TTC6: variants seen among roughly 807,000 people sequenced by gnomAD.
The protein encoded by TTC6 is tetratricopeptide repeat protein 6.
TTC6 carries 172 observed loss-of-function variants against 210.4 expected under a neutral mutation model. That is an observed-to-expected ratio of 0.82 (90% CI 0.72 to 0.93). The LOEUF is 0.93. Ranked by LOEUF, TTC6 falls within the 40% of genes least tolerant of loss-of-function variation. The pLI, the probability that TTC6 is intolerant of heterozygous loss-of-function variation, is 0.00. For synonymous variants in TTC6, 804 were observed against 819.6 expected (o/e 0.98, Z 0.32); for missense variants, 2,414 against 2,318.1 (o/e 1.04, Z -0.85).
intron 3 of TTC6, 66 bp from the exon 6 acceptor site, chr14:37,696,651 A>C (rs991466506): frequency 6.9e-6 from 5 of 726,770 alleles, no homozygotes; most frequent in Non-Finnish European, 1.0e-5. Flanking sequence ...CTCGCTAAAT[A>C]TGAGAGAAAG....
chr14:37,692,347 A>G (rs1449278459), intron 3 of TTC6, among the ~76,000 whole-genome samples: 2 of 151,902 alleles, frequency 1.3e-5, no homozygotes, highest in Non-Finnish European at 2.9e-5. Context: ...ATCATTCATG[A>G]CAAAGTGGGA....
intron 24 of TTC6, among the ~76,000 whole-genome samples, chr14:37,810,076 T>A (rs995549727): frequency 2.0e-5 from 3 of 152,254 alleles, no homozygotes; most frequent in African/African-American, 7.2e-5. Context: ...GAAGGGAAGT[T>A]GAGAAACATT....
intron 1 of TTC6, among the ~76,000 whole-genome samples, chr14:37,670,945 A>C (rs2095757089): frequency 1.3e-5 from 2 of 152,216 alleles, no homozygotes; most frequent in African/African-American, 4.8e-5. Flanking sequence ...GAAGAGCTAG[A>C]GTTTTAGAGC....
chr14:37,804,709 G>C (rs753613844), exon 21 of TTC6: 9 of 1,613,950 alleles, frequency 5.6e-6, no homozygotes, highest in Non-Finnish European at 7.6e-6. Flanking sequence ...AGAAGGCTTT[G>C]GATGCCATTT....
intron 18 of TTC6, among the ~76,000 whole-genome samples, chr14:37,795,689 C>A (rs1461482457): frequency 6.6e-6 from 1 of 152,098 alleles, no homozygotes; most frequent in Non-Finnish European, 1.5e-5. Context: ...ATTATGTCCA[C>A]AATCAAACAT....
intron 1 of TTC6, among the ~76,000 whole-genome samples, chr14:37,628,260 A>T (rs543643281): frequency 4.9e-4 from 75 of 152,284 alleles, no homozygotes; most frequent in African/African-American, 1.6e-3. Flanking sequence ...GGCATGAGCC[A>T]CTGTGCCTGG....
intron 14 of TTC6, among the ~76,000 whole-genome samples, chr14:37,777,797 T>G (rs1595246682): frequency 6.6e-6 from 1 of 151,440 alleles, no homozygotes; most frequent in East Asian, 2.0e-4. Context: ...TTTGATGCTT[T>G]TATCTTCTTT....
chr14:37,789,992 T>G (rs1317341610), intron 15 of TTC6, among the ~76,000 whole-genome samples: 1 of 152,112 alleles, frequency 6.6e-6, no homozygotes, highest in Non-Finnish European at 1.5e-5. Context: ...TAACATGTTT[T>G]GAAAGTGAAG....
intron 1 of TTC6, among the ~76,000 whole-genome samples, chr14:37,605,605 T>C (rs1213307903): frequency 6.6e-6 from 1 of 152,212 alleles, no homozygotes; most frequent in Non-Finnish European, 1.5e-5. Flanking sequence ...ATTGGTTCTC[T>C]AAGCTCAATG....
intron 2 of TTC6, among the ~76,000 whole-genome samples, chr14:37,611,662 G>C (rs1456603713): frequency 1.3e-5 from 2 of 152,128 alleles, no homozygotes; most frequent in African/African-American, 4.8e-5. Flanking sequence ...GAGAAAAAGA[G>C]GCTAGGAAGG....
At chr14:37,795,317 C>T (rs1262047558) in exon 18 of TTC6, 8 of 1,531,554 alleles carry the variant, frequency 5.2e-6, no homozygotes, top group Middle Eastern at 1.7e-4. Context: ...GTGCTATCCA[C>T]CTTCAGCCAG....
chr14:37,796,678 T>C (rs1566960871), intron 19 of TTC6, 109 bp from the exon 22 acceptor site: 4 of 994,538 alleles, frequency 4.0e-6, no homozygotes, highest in Non-Finnish European at 5.7e-6. Flanking sequence ...TTTATTGATT[T>C]GTTAATTCAT....
Position 37,807,886 on chromosome 14 carries a change from C to T in TTC6, c.4455+426C>T, listed in dbSNP as rs190845604. ...TTTATATAACTTGTGTGGTGCCCTG[C>T]TTTTTACACTTAATCTTTGAAGATA... On this transcript the variant is annotated intron_variant, in intron 23 of 30. Coordinates refer to ENST00000553443, the Ensembl canonical transcript of TTC6. Among the ~76,000 whole-genome samples, 694 of 152,052 alleles carry T rather than the reference C, an allele frequency of 4.6e-3. 6 individuals carry two copies. Among genetic ancestry groups the T allele is most frequent in the African/African-American group, 0.016 (648 of 41,494 alleles).
chr14:37,816,661 T>G (rs1039168699), intron 25 of TTC6, among the ~76,000 whole-genome samples: 3 of 152,182 alleles, frequency 2.0e-5, no homozygotes, highest in Non-Finnish European at 4.4e-5. Context: ...CTTCCTATAT[T>G]ATAGCAATCA....
At chr14:37,622,999 T>C (rs1292775801) in exon 1 of TTC6, 1 of 1,461,582 alleles carries the variant, frequency 6.8e-7, no homozygotes, top group Admixed American at 2.7e-5. Context: ...GACATTACAA[T>C]GGAAGTAGGT....
chr14:37,682,140 T>A (rs1267124335), intron 2 of TTC6, among the ~76,000 whole-genome samples: 1 of 114,484 alleles, frequency 8.7e-6, no homozygotes, highest in Non-Finnish European at 1.8e-5. Flanking sequence ...ACTGCTCCAG[T>A]GTGTCGAACC....
chr14:37,831,745 G>A (rs1393031062), intron 29 of TTC6, among the ~76,000 whole-genome samples: 1 of 70,186 alleles, frequency 1.4e-5, no homozygotes, highest in Non-Finnish European at 3.0e-5. Flanking sequence ...CGTCTGTTAT[G>A]TCTTTTCAGA....
intron 6 of TTC6, among the ~76,000 whole-genome samples, chr14:37,722,767 C>T (rs1595151890): frequency 6.6e-6 from 1 of 152,152 alleles, no homozygotes; most frequent in East Asian, 1.9e-4. Flanking sequence ...ATGTTAACCT[C>T]GATCACCTGG....
chr14:37,684,623 C>G (rs1012751214), intron 3 of TTC6, among the ~76,000 whole-genome samples: 1 of 152,074 alleles, frequency 6.6e-6, no homozygotes, highest in African/African-American at 2.4e-5. Context: ...ATTGTGGGAC[C>G]CTTCAGAAAT....
Sources: allele counts gnomAD v4.1 joint callset (sites outside exome capture counted in the v4.1 genomes callset), GRCh38; gene constraint gnomAD v4.1.1; transcripts MANE v1.5; gene names NCBI Gene and HGNC (gene_info 2026-07-23, HGNC 2026-07-21).